Variants in PPM1D observed in about 807,000 individuals in gnomAD.
PPM1D encodes protein phosphatase, Mg2+/Mn2+ dependent 1D.
In PPM1D, 52 loss-of-function variants were observed where a neutral mutation model predicts 58.3. The observed-to-expected ratio is 0.89, with a 90% CI of 0.71 to 1.12. The LOEUF is 1.12. PPM1D is among the 50% of genes most tolerant of loss of function. The probability of loss-of-function intolerance (pLI) is 0.00; values close to 1 mark genes in which losing one functional copy is unlikely to be tolerated. For synonymous variants in PPM1D, 278 were observed against 285.1 expected (o/e 0.98, Z 0.25); for missense variants, 564 against 777.2 (o/e 0.73, Z 3.26).
intron 2 of PPM1D, among the ~76,000 whole-genome samples, chr17:60,632,031 A>C (rs1373178515): frequency 1.3e-5 from 2 of 152,050 alleles, no homozygotes; most frequent in Non-Finnish European, 2.9e-5. Flanking sequence ...ACAAAAAATT[A>C]GCCAGGCATG....
At chr17:60,627,968 C>T (rs1237806414) in intron 2 of PPM1D, among the ~76,000 whole-genome samples, 1 of 151,876 alleles carries the variant, frequency 6.6e-6, no homozygotes, top group Non-Finnish European at 1.5e-5. Flanking sequence ...TCACCGCAAC[C>T]TCTGCTTCCT....
chr17:60,663,121 GGTGT>G lies in PPM1D; in HGVS notation c.1388_1391del (p.Gly463GlufsTer19), dbSNP rs2031555370. The G allele has an allele frequency of 1.2e-6, 2 of 1,614,020 alleles. No homozygotes were observed. Among genetic ancestry groups the G allele is most frequent in the South Asian group, 2.2e-5 (2 of 91,080 alleles). On this transcript the variant is annotated frameshift_variant, in exon 6 of 6. Coordinates refer to ENST00000305921, the MANE Select transcript of PPM1D (RefSeq NM_003620.4). LOFTEE classifies it high-confidence loss of function. ...TGAGATAGCTCGAGAGAATGTCCAAGGTGTAGTCATACCCTCAAAAGATCCAGAA... is the reference window on the plus strand; with the variant it reads ...TGAGATAGCTCGAGAGAATGTCCAAGAGTCATACCCTCAAAAGATCCAGAA...
chr17:60,611,438 G>GT (rs988111147), intron 1 of PPM1D, among the ~76,000 whole-genome samples: 41 of 149,216 alleles, frequency 2.7e-4, no homozygotes, highest in Non-Finnish European at 4.5e-4. Flanking sequence ...GTTTTGTTGG[G>GT]TTTTTTTTTG....
At chr17:60,610,710 A>G (rs2030437035) in intron 1 of PPM1D, among the ~76,000 whole-genome samples, 1 of 152,232 alleles carries the variant, frequency 6.6e-6, no homozygotes, top group Non-Finnish European at 1.5e-5. Context: ...TAGTTGTGAC[A>G]GATACCATAT....
At chr17:60,655,266 C>T (rs2031415562) in intron 4 of PPM1D, among the ~76,000 whole-genome samples, 1 of 152,084 alleles carries the variant, frequency 6.6e-6, no homozygotes. Context: ...GAATTTGACC[C>T]TTTGCAATGA....
At chr17:60,646,990 A>C (rs1055045388) in intron 3 of PPM1D, among the ~76,000 whole-genome samples, 1 of 152,190 alleles carries the variant, frequency 6.6e-6, no homozygotes, top group Admixed American at 6.5e-5. Context: ...TGATCTAGAG[A>C]TTAACAGGAA....
At chr17:60,631,375 A>G (rs2030916851) in intron 2 of PPM1D, among the ~76,000 whole-genome samples, 1 of 152,144 alleles carries the variant, frequency 6.6e-6, no homozygotes, top group Admixed American at 6.6e-5. Context: ...ATGGTGACTC[A>G]TGCCTGTAAG....
rs916809155 is a variant in PPM1D, at chr17:60,666,187, G to A, written c.*2635G>A. Reference sequence around the variant, plus strand: ...TTTGGTAATAGCATTAATGAACAATGTTATTTTCATCTTCCAGACATCTGG... The same window carrying A: ...TTTGGTAATAGCATTAATGAACAATATTATTTTCATCTTCCAGACATCTGG... On this transcript the variant is annotated 3_prime_UTR_variant, in exon 6 of 6. Coordinates refer to ENST00000305921, the MANE Select transcript of PPM1D (RefSeq NM_003620.4). The A allele has an allele frequency of 2.0e-5, 3 of 152,108 alleles. No homozygotes were observed. Among genetic ancestry groups the A allele is most frequent in the African/African-American group, 4.8e-5 (2 of 41,436 alleles). 9.4% of individuals were successfully genotyped at this position (152,108 alleles called of 1,614,324 possible). A position where few individuals can be genotyped will look rare whatever the true frequency, so the allele number is the denominator to read the frequency against.
chr17:60,624,055 G>A (rs1418887183), intron 2 of PPM1D, among the ~76,000 whole-genome samples: 1 of 152,128 alleles, frequency 6.6e-6, no homozygotes, highest in East Asian at 1.9e-4. Flanking sequence ...AGCAGCTCTT[G>A]GAGTTCCAGA....
intron 4 of PPM1D, among the ~76,000 whole-genome samples, chr17:60,651,419 G>C (rs1290708898): frequency 6.9e-6 from 1 of 144,048 alleles, no homozygotes; most frequent in African/African-American, 2.6e-5. Context: ...TTTTTTTTGA[G>C]ATGTAATCTC....
chr17:60,619,084 C>T (rs987341928), intron 1 of PPM1D, among the ~76,000 whole-genome samples: 3 of 152,190 alleles, frequency 2.0e-5, no homozygotes, highest in African/African-American at 4.8e-5. Context: ...TCTACTCTTT[C>T]CTTCTGTGAC....
Position 60,649,089 on chromosome 17 carries a change from G to GT in PPM1D, c.1017+1016dup, listed in dbSNP as rs199595649. Among the ~76,000 whole-genome samples the GT allele has an allele frequency of 5.3e-5, 8 of 150,458 alleles. No individual in the cohort carries two copies. The East Asian group carries it at 5.9e-4, about 11-fold the overall frequency. Reference sequence around the variant, plus strand: ...CACCACTACTTCTACTACTTTTTTTGTTTTTTTTTCCCCCCAAGAGATGAG... The same window carrying GT: ...CACCACTACTTCTACTACTTTTTTTGTTTTTTTTTTCCCCCCAAGAGATGAG... On this transcript the variant is annotated intron_variant, in intron 4 of 5. Transcript: ENST00000305921.
At chr17:60,631,784 A>C (rs1467209465) in intron 2 of PPM1D, among the ~76,000 whole-genome samples, 2 of 152,348 alleles carry the variant, frequency 1.3e-5, no homozygotes, top group East Asian at 1.9e-4. Flanking sequence ...AATTTAAAAA[A>C]TCAATTCCCA....
chr17:60,649,605 C>G (rs2031307834), intron 4 of PPM1D, among the ~76,000 whole-genome samples: 1 of 152,012 alleles, frequency 6.6e-6, no homozygotes, highest in African/African-American at 2.4e-5. Flanking sequence ...AGGAGAATCT[C>G]TTGAACCCAG....
At chr17:60,655,388 GCCC>G (rs2031418424) in intron 4 of PPM1D, among the ~76,000 whole-genome samples, 2 of 152,132 alleles carry the variant, frequency 1.3e-5, no homozygotes, top group South Asian at 4.1e-4. Context: ...TCGCTCTGTC[GCCC>G]AGGCGGGAGT....
chr17:60,612,022 AGTGGCTACAT>A (rs910323299), intron 1 of PPM1D, among the ~76,000 whole-genome samples: 7 of 151,724 alleles, frequency 4.6e-5, no homozygotes, highest in African/African-American at 1.7e-4. Flanking sequence ...ACATGTAGTC[AGTGGCTACAT>A]GTGGGTATTT....
chr17:60,646,341 G>A (rs1339720546), intron 3 of PPM1D, among the ~76,000 whole-genome samples: 1 of 152,190 alleles, frequency 6.6e-6, no homozygotes, highest in Non-Finnish European at 1.5e-5. Context: ...CTCTGAGCAT[G>A]TTTGAATTGC....
chr17:60,614,324 C>T (rs1317988580), intron 1 of PPM1D, among the ~76,000 whole-genome samples: 3 of 152,092 alleles, frequency 2.0e-5, no homozygotes, highest in Non-Finnish European at 4.4e-5. Context: ...TACCAGTCAG[C>T]ACTCTGTGTC....
At chr17:60,656,569 C>T (rs781550533) in intron 4 of PPM1D, 30 bp from the exon 5 acceptor site, 6 of 1,603,636 alleles carry the variant, frequency 3.7e-6, no homozygotes, top group Non-Finnish European at 5.1e-6. Context: ...ATCTGAGTTA[C>T]TTTCCTTCTC....
Sources: gnomAD v4.1 joint callset for allele counts (sites outside exome capture counted in the v4.1 genomes callset) on GRCh38, gnomAD v4.1.1 for gene constraint, MANE v1.5 for transcripts, NCBI Gene and HGNC (gene_info 2026-07-23, HGNC 2026-07-21) for gene names.